The following PRR16 variants were observed in gnomAD, a reference collection of about 807,000 sequenced individuals.
PRR16 encodes proline rich 16, also known as protein Largen.
In PRR16, 6 loss-of-function variants were observed where a neutral mutation model predicts 18.2. The observed-to-expected ratio is 0.33, with a 90% confidence interval of 0.18 to 0.65. PRR16 has a LOEUF of 0.65. Ranked by LOEUF, PRR16 falls within the 30% of genes least tolerant of loss-of-function variation. PRR16 has a pLI of 0.74. For missense variants in PRR16, 412 were observed against 376.6 expected (o/e 1.09, Z -0.78); for synonymous variants, 151 against 147.8 (o/e 1.02, Z -0.16).
the PRR16 span, among the ~76,000 whole-genome samples, chr5:120,696,170 A>T: frequency 1.3e-5 from 2 of 152,156 alleles, no homozygotes; most frequent in Admixed American, 1.3e-4. Context: ...TGAACCCAGG[A>T]GGTGGAGGTT....
chr5:120,773,543 C>A, the PRR16 span, among the ~76,000 whole-genome samples: 1 of 152,088 alleles, frequency 6.6e-6, no homozygotes, highest in African/African-American at 2.4e-5. Flanking sequence ...CATTTCTTTC[C>A]TTTTATGACT....
the PRR16 span, among the ~76,000 whole-genome samples, chr5:120,716,751 A>G: frequency 1.3e-5 from 2 of 152,100 alleles, no homozygotes; most frequent in African/African-American, 2.4e-5. Flanking sequence ...GGGCGCTTAT[A>G]ATCCCAGCTA....
the PRR16 span, among the ~76,000 whole-genome samples, chr5:120,746,658 AAATTTGTTTTC>A: frequency 1.3e-5 from 2 of 152,156 alleles, no homozygotes; most frequent in Non-Finnish European, 2.9e-5. Context: ...CTAGCTCCAG[AAATTTGTTTTC>A]AATTTGTCTG....
chr5:120,791,418 G>A, the PRR16 span, among the ~76,000 whole-genome samples: 22 of 151,730 alleles, frequency 1.4e-4, no homozygotes, highest in African/African-American at 5.1e-4. Context: ...TAATACAAGG[G>A]AACATTGCTA....
intron 1 of PRR16, among the ~76,000 whole-genome samples, chr5:120,575,731 T>C (rs528962403): frequency 5.9e-5 from 9 of 152,258 alleles, no homozygotes; most frequent in African/African-American, 1.9e-4. Flanking sequence ...CTCTCTAAGA[T>C]TGAGAATAAG....
At chr5:120,577,385 T>G (rs2112747395) in intron 1 of PRR16, among the ~76,000 whole-genome samples, 1 of 151,914 alleles carries the variant, frequency 6.6e-6, no homozygotes, top group Non-Finnish European at 1.5e-5. Context: ...GAGAATGATC[T>G]TGGTGCACCC....
chr5:120,785,867 C>A, the PRR16 span, among the ~76,000 whole-genome samples: 4 of 151,530 alleles, frequency 2.6e-5, no homozygotes, highest in African/African-American at 9.7e-5. Context: ...CCGCGCCTGG[C>A]CTAGAAGTCT....
In PRR16 at chr5:120,464,461, T is replaced by C; in HGVS notation, c.-26T>C. 6.4e-7 allele frequency: 1 copy of C among 1,569,694 alleles called. No homozygotes were observed. The highest frequency in any genetic ancestry group is 8.6e-7 in the Non-Finnish European group (1 of 1,166,040). On this transcript the variant is annotated 5_prime_UTR_variant, in exon 1 of 2. The change abolishes the stop of an existing upstream ORF in the 5' untranslated region. Coordinates refer to ENST00000407149, the MANE Select transcript of PRR16 (RefSeq NM_001300783.2). ...GCAGCCTCCGCTCGCCCGCCTGTCC[T>C]GACCTGCCTCGCTTGCCCCCAAAGA...
intron 1 of PRR16, among the ~76,000 whole-genome samples, chr5:120,631,701 C>G (rs975139171): frequency 6.6e-6 from 1 of 152,108 alleles, no homozygotes; most frequent in African/African-American, 2.4e-5. Context: ...AGAGGCTGAG[C>G]TCAGAGCTCA....
the PRR16 span, among the ~76,000 whole-genome samples, chr5:120,741,938 T>C: frequency 6.6e-6 from 1 of 152,114 alleles, no homozygotes; most frequent in South Asian, 2.1e-4. Flanking sequence ...ATTTAGAAAG[T>C]TCTATTCTGT....
At chr5:120,627,545 C>G (rs991220359) in intron 1 of PRR16, among the ~76,000 whole-genome samples, 1 of 151,938 alleles carries the variant, frequency 6.6e-6, no homozygotes, top group Admixed American at 6.6e-5. Context: ...AAGAATGATC[C>G]TACACATACA....
chr5:120,789,879 CTT>C, the PRR16 span: 1 of 149,732 alleles, frequency 6.7e-6, no homozygotes, highest in Non-Finnish European at 1.5e-5. Flanking sequence ...TTTTAATAAT[CTT>C]TGTGTGTTTT....
At chr5:120,778,519 G>A in the PRR16 span, among the ~76,000 whole-genome samples, 1 of 152,134 alleles carries the variant, frequency 6.6e-6, no homozygotes, top group Non-Finnish European at 1.5e-5. Context: ...AAAGGAAGTG[G>A]AGAATAGAGA....
chr5:120,714,327 T>A, the PRR16 span, among the ~76,000 whole-genome samples: 2 of 152,156 alleles, frequency 1.3e-5, no homozygotes. Context: ...TTTGCCAACA[T>A]TGACTTGGAG....
At chr5:120,567,687 C>A (rs548220053) in intron 1 of PRR16, among the ~76,000 whole-genome samples, 104 of 152,214 alleles carry the variant, frequency 6.8e-4, no homozygotes, top group African/African-American at 2.4e-3. Context: ...TGTAGTACTT[C>A]CCCCTTCACT....
intron 1 of PRR16, among the ~76,000 whole-genome samples, chr5:120,600,729 C>A (rs1316608875): frequency 6.6e-6 from 1 of 151,744 alleles, no homozygotes; most frequent in East Asian, 1.9e-4. Flanking sequence ...CTATTCTTAC[C>A]CTCTCTTTGC....
At chr5:120,603,889 TG>T (rs1754065486) in intron 1 of PRR16, among the ~76,000 whole-genome samples, 1 of 152,148 alleles carries the variant, frequency 6.6e-6, no homozygotes, top group Non-Finnish European at 1.5e-5. Flanking sequence ...TATTGATTTC[TG>T]TTTTTATTGT....
At chr5:120,516,228 A>T (rs749554364) in intron 1 of PRR16, among the ~76,000 whole-genome samples, 36 of 152,272 alleles carry the variant, frequency 2.4e-4, no homozygotes, top group Middle Eastern at 6.8e-3. Context: ...GTTCGAGACC[A>T]GCCTGGCCAA....
chr5:120,565,297 A>G (rs1377079599), intron 1 of PRR16, among the ~76,000 whole-genome samples: 1 of 152,216 alleles, frequency 6.6e-6, no homozygotes, highest in Non-Finnish European at 1.5e-5. Flanking sequence ...GTGATATATT[A>G]TCAGTTAACT....
Sources: gnomAD v4.1 joint callset for allele counts (sites outside exome capture counted in the v4.1 genomes callset) on GRCh38, gnomAD v4.1.1 for gene constraint, MANE v1.5 for transcripts, NCBI Gene and HGNC (gene_info 2026-07-23, HGNC 2026-07-21) for gene names.